The following GRIK1 variants were observed in gnomAD, a reference collection of about 807,000 sequenced individuals.
GRIK1 encodes the protein glutamate ionotropic receptor kainate type subunit 1.
Under a neutral mutation model 105.7 loss-of-function variants are expected in GRIK1, and 69 were observed. That is an observed-to-expected ratio of 0.65 (90% CI 0.54 to 0.80). GRIK1 has a LOEUF of 0.80. Ranked by LOEUF, GRIK1 falls within the 30% of genes least tolerant of loss-of-function variation. GRIK1 has a pLI of 0.00. For missense variants in GRIK1, 1,109 were observed against 1,167.3 expected (o/e 0.95, Z 0.73); for synonymous variants, 438 against 431.3 (o/e 1.02, Z -0.19).
chr21:29,690,064 A>G (rs2146715661), intron 2 of GRIK1, 79 bp from the exon 3 acceptor site: 4 of 1,156,796 alleles, frequency 3.5e-6, no homozygotes, highest in Middle Eastern at 2.6e-4. Context: ...TATGAATTTA[A>G]TTTTTTCTTT....
chr21:29,576,285 A>G (rs773970997), intron 14 of GRIK1, among the ~76,000 whole-genome samples: 18 of 152,214 alleles, frequency 1.2e-4, no homozygotes, highest in Admixed American at 1.3e-4. Context: ...TTTCATTACT[A>G]TGGGTAAGTA....
chr21:29,845,190 T>C (rs757473464), intron 1 of GRIK1, among the ~76,000 whole-genome samples: 21 of 152,178 alleles, frequency 1.4e-4, no homozygotes, highest in Non-Finnish European at 2.1e-4. Context: ...ACTTTTTTTT[T>C]CTTTATATTC....
intron 1 of GRIK1, among the ~76,000 whole-genome samples, chr21:29,930,349 A>G (rs917269013): frequency 1.3e-5 from 2 of 152,244 alleles, no homozygotes; most frequent in Non-Finnish European, 2.9e-5. Flanking sequence ...ATGTAATCCA[A>G]CATTTTAGAA....
intron 1 of GRIK1, among the ~76,000 whole-genome samples, chr21:29,932,932 G>A (rs964666943): frequency 2.0e-5 from 3 of 149,568 alleles, no homozygotes; most frequent in Admixed American, 6.6e-5. Flanking sequence ...AAAAAAAAAC[G>A]AGAAAAAGAA....
chr21:29,890,537 T>C (rs1249829709), intron 1 of GRIK1, among the ~76,000 whole-genome samples: 2 of 152,160 alleles, frequency 1.3e-5, no homozygotes, highest in African/African-American at 2.4e-5. Flanking sequence ...GTCTGTGTAA[T>C]TGTAAGTACA....
Position 29,694,652 on chromosome 21 carries a change from A to T in GRIK1, c.119-589T>A, listed in dbSNP as rs74898426. Among the ~76,000 whole-genome samples, 1,299 of 152,312 alleles carry T rather than the reference A, an allele frequency of 8.5e-3. 70 individuals are homozygous for T. The East Asian group carries it at 0.16, about 18-fold the overall frequency. On this transcript the variant is annotated intron_variant, in intron 1 of 17. Coordinates refer to ENST00000327783, the MANE Select transcript of GRIK1 (RefSeq NM_001330994.2). ...AAACATTTAGTGGTATAAAAGTGTA[A>T]CTGATAATATGGCAGAGGACGATTT...
chr21:29,737,176 T>C (rs886851401), intron 1 of GRIK1, among the ~76,000 whole-genome samples: 2 of 152,200 alleles, frequency 1.3e-5, no homozygotes, highest in Non-Finnish European at 2.9e-5. Flanking sequence ...GTGTGGCCTG[T>C]AAGACCTTGC....
intron 15 of GRIK1, among the ~76,000 whole-genome samples, chr21:29,556,017 T>G (rs2090245371): frequency 6.6e-6 from 1 of 152,160 alleles, no homozygotes; most frequent in South Asian, 2.1e-4. Flanking sequence ...GATCCTGATT[T>G]CAGTAACTTT....
rs184087045 is a variant in GRIK1, at chr21:29,570,366, G to T, written c.2130+6598C>A. On this transcript the variant is annotated intron_variant, in intron 14 of 17. Transcript: ENST00000327783. The stretch of plus-strand genomic sequence containing the variant: ...AAATAAAAAAATATAGCTGGGCGTG[G>T]TGGCAGGCGCCTGTAATCCCAGCTA... Among the ~76,000 whole-genome samples the T allele has an allele frequency of 3.3e-5, 5 of 152,148 alleles. No homozygotes were observed. In the East Asian group the frequency reaches 9.7e-4, roughly 30 times the overall value.
chr21:29,592,717 G>A (rs562548764), intron 9 of GRIK1, among the ~76,000 whole-genome samples: 121 of 152,190 alleles, frequency 8.0e-4, no homozygotes, highest in Non-Finnish European at 1.3e-3. Flanking sequence ...GTTGGTGCAT[G>A]TTGTTAAGAC....
chr21:29,722,461 C>T (rs2064345878), intron 1 of GRIK1, among the ~76,000 whole-genome samples: 1 of 151,334 alleles, frequency 6.6e-6, no homozygotes, highest in Non-Finnish European at 1.5e-5. Context: ...GTGGGTGAGG[C>T]AGGAGAATGG....
intron 1 of GRIK1, among the ~76,000 whole-genome samples, chr21:29,753,496 G>A (rs929069534): frequency 1.3e-5 from 2 of 152,202 alleles, no homozygotes; most frequent in Non-Finnish European, 2.9e-5. Flanking sequence ...TGGGGCCAGT[G>A]TAGCAAAGCC....
intron 1 of GRIK1, among the ~76,000 whole-genome samples, chr21:29,733,202 A>G (rs756500374): frequency 2.1e-4 from 32 of 152,146 alleles, no homozygotes; most frequent in Non-Finnish European, 4.7e-4. Context: ...TTCAAATTCT[A>G]AATACCAACA....
chr21:29,867,237 C>G (rs895117001), intron 1 of GRIK1, among the ~76,000 whole-genome samples: 2 of 151,876 alleles, frequency 1.3e-5, no homozygotes, highest in Non-Finnish European at 2.9e-5. Context: ...AATAAAAGAT[C>G]CTTAGAGACA....
intron 14 of GRIK1, among the ~76,000 whole-genome samples, chr21:29,565,138 T>C (rs896831743): frequency 6.6e-6 from 1 of 152,192 alleles, no homozygotes; most frequent in African/African-American, 2.4e-5. Flanking sequence ...GTTGAAGGTA[T>C]AGGAAGTGTT....
chr21:29,914,284 C>T (rs958968991), intron 1 of GRIK1, among the ~76,000 whole-genome samples: 1 of 152,068 alleles, frequency 6.6e-6, no homozygotes, highest in African/African-American at 2.4e-5. Context: ...AGCTTCATTC[C>T]TCCATGAGAG....
Position 29,620,802 on chromosome 21 carries a change from T to TATATAG in GRIK1, c.1099-21866_1099-21865insCTATAT, listed in dbSNP as rs1276169939. ...ATATAGATATATATATCTATATATA[T>TATATAG]ATAGATATATATATATAGTAATAAT... On this transcript the variant is annotated intron_variant, in intron 7 of 17. Coordinates refer to ENST00000327783, the MANE Select transcript of GRIK1 (RefSeq NM_001330994.2). Among the ~76,000 whole-genome samples the TATATAG allele has an allele frequency of 1.3e-3, 171 of 127,408 alleles. 1 individual carries two copies. The highest frequency in any genetic ancestry group is 2.1e-3 in the African/African-American group (64 of 30,062). The allele number at this position is 127,408 out of a possible 152,430, so 83.6% of individuals were successfully genotyped here. A position where few individuals can be genotyped will look rare whatever the true frequency, so the allele number is the denominator to read the frequency against.
chr21:29,813,454 C>G (rs761297275), intron 1 of GRIK1, among the ~76,000 whole-genome samples: 1 of 152,054 alleles, frequency 6.6e-6, no homozygotes, highest in Non-Finnish European at 1.5e-5. Context: ...CTGGGAAAAT[C>G]CAATCATTAT....
At chr21:29,798,580 G>A (rs962293977) in intron 1 of GRIK1, among the ~76,000 whole-genome samples, 6 of 152,118 alleles carry the variant, frequency 3.9e-5, no homozygotes, top group Admixed American at 3.9e-4. Flanking sequence ...AGAAAGAAAA[G>A]CAAGACAACT....
Sources: gnomAD v4.1 joint callset for allele counts (sites outside exome capture counted in the v4.1 genomes callset) on GRCh38, gnomAD v4.1.1 for gene constraint, MANE v1.5 for transcripts, NCBI Gene and HGNC (gene_info 2026-07-23, HGNC 2026-07-21) for gene names.